ZNF674: variants seen among roughly 807,000 people sequenced by gnomAD.
ZNF674 encodes the protein zinc finger protein 674, also known as zinc finger family member 674.
In ZNF674, 2 loss-of-function variants were observed where a neutral mutation model predicts 7.0. The ratio of observed to expected loss-of-function variants is 0.29; its 90% CI spans 0.12 to 0.90. The LOEUF is 0.90. ZNF674 is among the 40% of genes least tolerant of loss of function. The probability of loss-of-function intolerance (pLI) is 0.57; values close to 1 mark genes in which losing one functional copy is unlikely to be tolerated. For missense variants in ZNF674, 297 were observed against 415.5 expected, an observed-to-expected ratio of 0.71 and a Z score of 2.48; for synonymous variants, 103 against 145.2, an observed-to-expected ratio of 0.71 and a Z score of 2.09.
chrX:46,531,837 TAATAA>T (rs915823841), intron 3 of ZNF674, among the ~76,000 whole-genome samples: 10 of 109,887 alleles, frequency 9.1e-5, no homozygotes, highest in African/African-American at 2.3e-4. Flanking sequence ...TAATAAAAAA[TAATAA>T]AATAAAATAA....
intron 3 of ZNF674, chrX:46,529,148 C>G: frequency 4.0e-6 from 2 of 496,332 alleles, no homozygotes; most frequent in Non-Finnish European, 6.6e-6. Context: ...TCCACGCAGT[C>G]TGGCTCCCGC....
intron 5 of ZNF674, among the ~76,000 whole-genome samples, chrX:46,505,468 T>G: frequency 9.0e-6 from 1 of 111,470 alleles, no homozygotes; most frequent in Non-Finnish European, 1.9e-5. Context: ...CAATTAAAAA[T>G]CATTTATTCA....
intron 5 of ZNF674, among the ~76,000 whole-genome samples, chrX:46,516,235 GTAAC>G (rs755685710): frequency 6.9e-4 from 77 of 111,926 alleles, no homozygotes; most frequent in African/African-American, 2.4e-3. Flanking sequence ...AATACATAAA[GTAAC>G]TACCCGAGGA....
chrX:46,529,818 G>T (rs1942078359), intron 3 of ZNF674: 1 of 111,759 alleles, frequency 8.9e-6, no homozygotes, highest in African/African-American at 3.2e-5. Flanking sequence ...CGGGGTCCGG[G>T]TTGTCCACAA....
chrX:46,521,705 A>G (rs1941916832), intron 5 of ZNF674, among the ~76,000 whole-genome samples: 1 of 110,024 alleles, frequency 9.1e-6, no homozygotes, highest in Admixed American at 9.8e-5. Flanking sequence ...CCTGGCTGAC[A>G]TGGCAAAACC....
rs1941363368 is a variant in ZNF674 at position 46,498,855 on chromosome X, C to T, written c.*988G>A. ...AGGCTGCAGTGAGCCAAGATCGTGC[C>T]ACTGCACTCCAGCCTGGGCGAGAAG... On this transcript the variant is annotated 3_prime_UTR_variant, in exon 6 of 6. Transcript: ENST00000683375. 1 of 111,508 alleles carries T rather than the reference C, an allele frequency of 9.0e-6. No homozygotes were observed. Among genetic ancestry groups the T allele is most frequent in the African/African-American group, 3.3e-5 (1 of 30,690 alleles). The allele number at this position is 111,508 out of a possible 1,213,427, so 9.2% of individuals were successfully genotyped here.
In ZNF674 at chrX:46,500,249, C is replaced by T; in HGVS notation, c.1325G>A (p.Gly442Glu). ...GEKPYECRRC[G>E]KAFGEKSTLI... ...GGTTGACTTCTCCCCAAAGGCTTTCCCACATCTTCTGCATTCATAAGGTTT... is the reference window on the plus strand; with the variant it reads ...GGTTGACTTCTCCCCAAAGGCTTTCTCACATCTTCTGCATTCATAAGGTTT... Residue 442 changes from glycine (G) to glutamate (E), a missense_variant, in exon 6 of 6, where the codon GGG becomes GAG. Physicochemically the swap from Gly to Glu is moderately conservative, Grantham distance 98. Transcript: ENST00000683375. The T allele has an allele frequency of 8.3e-7, 1 of 1,211,140 alleles. No individual in the cohort carries two copies. The highest frequency in any genetic ancestry group is 1.1e-6 in the Non-Finnish European group (1 of 895,147).
chrX:46,530,163 C>T (rs1249128797), intron 3 of ZNF674, among the ~76,000 whole-genome samples: 5 of 111,893 alleles, frequency 4.5e-5, no homozygotes, highest in East Asian at 2.8e-4. Flanking sequence ...ATTCAAGCCA[C>T]TCGCTGCACC....
intron 5 of ZNF674, among the ~76,000 whole-genome samples, chrX:46,521,761 T>C (rs1243070828): frequency 9.2e-6 from 1 of 108,831 alleles, no homozygotes; most frequent in Non-Finnish European, 1.9e-5. Flanking sequence ...TGGTGGCACA[T>C]GCCTGCAATC....
At chrX:46,534,480 C>T (rs906596878) in intron 3 of ZNF674, among the ~76,000 whole-genome samples, 5 of 110,682 alleles carry the variant, frequency 4.5e-5, no homozygotes, top group Non-Finnish European at 9.4e-5. Context: ...CCTGCCTCAG[C>T]CCCGCAAAGT....
At chrX:46,543,970 G>A (rs964565687) in intron 2 of ZNF674, among the ~76,000 whole-genome samples, 6 of 112,965 alleles carry the variant, frequency 5.3e-5, no homozygotes, top group African/African-American at 1.9e-4. Flanking sequence ...CCTGGTTGAT[G>A]GTGTGGGGCT....
chrX:46,505,768 T>TCA (rs56158505), intron 5 of ZNF674, among the ~76,000 whole-genome samples: 2,084 of 100,088 alleles, frequency 0.021, 42 homozygotes, highest in African/African-American at 0.054. Flanking sequence ...CAAAACTCTG[T>TCA]CACACACACA....
intron 5 of ZNF674, among the ~76,000 whole-genome samples, chrX:46,513,267 A>T (rs1941698487): frequency 1.8e-5 from 2 of 112,038 alleles, no homozygotes; most frequent in Admixed American, 1.9e-4. Flanking sequence ...TCTCAAAAAA[A>T]AAACAAAAAC....
Position 46,500,293 on chromosome X carries a change from A to G in ZNF674, c.1281T>C (p.His427=), listed in dbSNP as rs779944408. 16 of 1,208,388 alleles carry G rather than the reference A, an allele frequency of 1.3e-5. No homozygotes were observed. In the South Asian group the frequency reaches 2.5e-4, roughly 19 times the overall value. ...FSGKSHLSVH[H]RTHTGEKPYE... is the part of the protein sequence containing the mutation. Reference sequence around the variant, plus strand: ...AAGGTTTCTCTCCTGTATGAGTTCTATGATGGACAGAGAGGTGTGACTTTC... The same window carrying G: ...AAGGTTTCTCTCCTGTATGAGTTCTGTGATGGACAGAGAGGTGTGACTTTC... Residue 427 remains histidine (H), a synonymous_variant, in exon 6 of 6, where the codon CAT becomes CAC. Coordinates refer to ENST00000683375, the MANE Select transcript of ZNF674 (RefSeq NM_001190417.2).
At chrX:46,532,943 GCATGTGGCT>G (rs1942134846) in intron 3 of ZNF674, among the ~76,000 whole-genome samples, 1 of 111,957 alleles carries the variant, frequency 8.9e-6, no homozygotes, top group South Asian at 3.7e-4. Context: ...ATCCTGGGCC[GCATGTGGCT>G]CATGGGCTGT....
Position 46,499,883 on chromosome X carries a change from A to G in ZNF674, c.1691T>C (p.Ile564Thr), listed in dbSNP as rs1352362223. 8.7e-7 allele frequency: 1 copy of G among 1,153,425 alleles called. No homozygotes were observed. Among genetic ancestry groups the G allele is most frequent in the East Asian group, 3.0e-5 (1 of 33,257 alleles). Residue 564 changes from isoleucine (I) to threonine (T), a missense_variant, in exon 6 of 6, where the codon ATT (isoleucine) becomes ACT (threonine). Transcript: ENST00000683375. ...TCCTGTGTGACTTCTCTGATGTTTAATGAGAGTTGACTTCCCACTGAATGC... is the reference window on the plus strand; with the variant it reads ...TCCTGTGTGACTTCTCTGATGTTTAGTGAGAGTTGACTTCCCACTGAATGC... ...GKAFSGKSTL[I>T]KHQRSHTGDK...
At chrX:46,519,886 A>G (rs1028226800) in intron 5 of ZNF674, among the ~76,000 whole-genome samples, 16 of 111,980 alleles carry the variant, frequency 1.4e-4, no homozygotes, top group Admixed American at 4.8e-4. Context: ...ATACCATGGA[A>G]TGCTACTCAG....
intron 5 of ZNF674, among the ~76,000 whole-genome samples, chrX:46,520,200 G>C (rs961418256): frequency 9.0e-6 from 1 of 110,558 alleles, no homozygotes; most frequent in Non-Finnish European, 1.9e-5. Context: ...TCAGGAGTTC[G>C]AGACCAGCCT....
chrX:46,533,330 T>C (rs1321049268), intron 3 of ZNF674, among the ~76,000 whole-genome samples: 1 of 111,135 alleles, frequency 9.0e-6, no homozygotes, highest in Non-Finnish European at 1.9e-5. Context: ...TTTTCGGAGA[T>C]TGATTTGAGT....
Sources: gnomAD v4.1 joint callset for allele counts (sites outside exome capture counted in the v4.1 genomes callset) on GRCh38, gnomAD v4.1.1 for gene constraint, MANE v1.5 for transcripts, NCBI Gene and HGNC (gene_info 2026-07-23, HGNC 2026-07-21) for gene names.